The following RTKN2 variants were observed in gnomAD, a reference collection of about 807,000 sequenced individuals.
RTKN2 encodes rhotekin 2, also known as rhotekin-2.
Under a neutral mutation model 71.5 loss-of-function variants are expected in RTKN2, and 69 were observed. The ratio of observed to expected loss-of-function variants is 0.96; its 90% confidence interval spans 0.79 to 1.18. The LOEUF (loss-of-function observed/expected upper bound fraction) is 1.18, where lower values mean the gene tolerates loss of function less well. RTKN2 is among the 50% of genes most tolerant of loss of function. RTKN2 has a pLI of 0.00. For missense variants in RTKN2, 724 were observed against 719.7 expected, an observed-to-expected ratio of 1.01 and a Z score of -0.07; for synonymous variants, 236 against 236.5, an observed-to-expected ratio of 1.00 and a Z score of 0.02.
intron 11 of RTKN2, 80 bp from the exon 12 acceptor site, chr10:62,198,523 C>T: frequency 9.2e-7 from 1 of 1,087,566 alleles, no homozygotes; most frequent in Non-Finnish European, 1.3e-6. Context: ...CTTTTCCAAA[C>T]TAGTATGCTA....
chr10:62,203,898 T>G (rs1038840628), intron 10 of RTKN2, among the ~76,000 whole-genome samples: 1 of 152,218 alleles, frequency 6.6e-6, no homozygotes, highest in African/African-American at 2.4e-5. Flanking sequence ...AATAATCTGT[T>G]ATACGGGAAA....
At chr10:62,257,359 T>G (rs1842694058) in intron 2 of RTKN2, among the ~76,000 whole-genome samples, 1 of 152,244 alleles carries the variant, frequency 6.6e-6, no homozygotes, top group Admixed American at 6.5e-5. Flanking sequence ...ATGATTTGGA[T>G]GGTACTAGAA....
chr10:62,247,956 G>T (rs1842508991), intron 2 of RTKN2, among the ~76,000 whole-genome samples: 1 of 152,056 alleles, frequency 6.6e-6, no homozygotes, highest in Admixed American at 6.6e-5. Context: ...CTAAAGTTGA[G>T]ATCCATTAGG....
At chr10:62,267,257 A>G (rs1318017672) in intron 1 of RTKN2, among the ~76,000 whole-genome samples, 3 of 152,210 alleles carry the variant, frequency 2.0e-5, no homozygotes, top group Non-Finnish European at 4.4e-5. Flanking sequence ...GGCTTTATGT[A>G]TATTTAAACA....
chr10:62,262,045 G>A (rs1842783835), intron 2 of RTKN2, among the ~76,000 whole-genome samples: 1 of 152,200 alleles, frequency 6.6e-6, no homozygotes, highest in African/African-American at 2.4e-5. Flanking sequence ...AACAGCATGA[G>A]ATGACAGAAC....
chr10:62,215,034 A>C, intron 9 of RTKN2: 6 of 1,469,142 alleles, frequency 4.1e-6, no homozygotes, highest in Non-Finnish European at 5.6e-6. Flanking sequence ...CCTACCTTAA[A>C]GGACTGAGAT....
At chr10:62,205,454 C>T (rs1279925322) in intron 9 of RTKN2, among the ~76,000 whole-genome samples, 1 of 152,078 alleles carries the variant, frequency 6.6e-6, no homozygotes, top group East Asian at 1.9e-4. Flanking sequence ...AGTAAAGTAT[C>T]TTTCTTATTC....
chr10:62,199,917 A>T, intron 10 of RTKN2, 56 bp from the exon 11 acceptor site: 7 of 1,149,716 alleles, frequency 6.1e-6, no homozygotes, highest in Non-Finnish European at 9.0e-6. Context: ...GAAGATATAT[A>T]TTTCATTTTT....
Position 62,198,352 on chromosome 10 carries a change from A to C in RTKN2, c.1386T>G (p.His462Gln). 1 of 1,613,226 alleles carries C rather than the reference A, an allele frequency of 6.2e-7. No homozygotes were observed. ...CCCAAGGAGGTGGTAAGGATTCTTC[A>C]TGCTGACCAATAAGGAACTGCCCAT... ...ETNGQFLIGQ[H>Q]EESLPPPWAT... The change falls in exon 12 of 12, where the codon CAT (histidine) becomes CAG (glutamine). Residue 462 changes from histidine to glutamine, a missense_variant. Transcript: ENST00000373789.
rs143100376 is a variant in RTKN2, at chr10:62,209,902, T to C, written c.1021-4880A>G. ...TAGGTTGATTCCATGTCTTTGCTAC[T>C]GTGAATGGTGCTGCAATGAAAATAT... On this transcript the variant is annotated intron_variant, in intron 9 of 11. Transcript: ENST00000373789. 1.1e-3 allele frequency among the ~76,000 whole-genome samples: 172 copies of C among 152,306 alleles called. 1 individual carries two copies. Among genetic ancestry groups the C allele is most frequent in the African/African-American group, 3.8e-3 (160 of 41,564 alleles).
chr10:62,268,656 G>A lies in RTKN2; in HGVS notation c.-46C>T. 1.3e-6 allele frequency: 2 copies of A among 1,533,604 alleles called. No homozygotes were observed. Among genetic ancestry groups the A allele is most frequent in the Non-Finnish European group, 8.8e-7 (1 of 1,134,464 alleles). The allele number at this position is 1,533,604 out of a possible 1,614,324, so 95.0% of individuals were successfully genotyped here. ...GCCGTCGCCACTCCTTCAAAGGGAA[G>A]ATTTGAAAAGCCCGCCCCTGGCAGG... On this transcript the variant is annotated 5_prime_UTR_variant, in exon 1 of 12. Transcript: ENST00000373789.
intron 4 of RTKN2, among the ~76,000 whole-genome samples, chr10:62,240,793 A>C (rs1395590329): frequency 6.6e-6 from 1 of 152,174 alleles, no homozygotes; most frequent in Non-Finnish European, 1.5e-5. Flanking sequence ...AGGCAGAAAA[A>C]TCTTCCAGAT....
intron 6 of RTKN2, among the ~76,000 whole-genome samples, chr10:62,232,143 C>T (rs998887459): frequency 6.6e-6 from 1 of 152,010 alleles, no homozygotes; most frequent in African/African-American, 2.4e-5. Flanking sequence ...AAAGAAAATT[C>T]GTGTTTGAAC....
rs1373822339 is a variant in RTKN2 at position 62,194,167 on chromosome 10, A to C, written c.*3741T>G. ...AAATTATAAACAAAGCCAATTACACAAGCATGTCAGAAAATCAACACACCC... is the reference window on the plus strand; with the variant it reads ...AAATTATAAACAAAGCCAATTACACCAGCATGTCAGAAAATCAACACACCC... On this transcript the variant is annotated 3_prime_UTR_variant, in exon 12 of 12. Transcript: ENST00000373789. 1.0e-6 allele frequency: 1 copy of C among 979,450 alleles called. No homozygotes were observed. The highest frequency in any genetic ancestry group is 1.8e-5 in the African/African-American group (1 of 57,114). 60.7% of individuals were successfully genotyped at this position (979,450 alleles called of 1,614,324 possible).
At position 62,202,366 on chromosome 10, in the gene RTKN2, CTTACT is replaced by C. The variant is rs531165806; in HGVS notation, c.1186+2486_1186+2490del. The stretch of plus-strand genomic sequence containing the variant: ...AATTTGCTCTCAATATTAAATTTCT[CTTACT>C]TTATTCTGCCCTGAATACCTATCCT... On this transcript the variant is annotated intron_variant, in intron 10 of 11. Coordinates refer to ENST00000373789, the MANE Select transcript of RTKN2 (RefSeq NM_145307.4). 2.0e-5 allele frequency among the ~76,000 whole-genome samples: 3 copies of C among 152,252 alleles called. No homozygotes were observed. In the South Asian group the frequency reaches 6.2e-4, roughly 32 times the overall value.
At chr10:62,264,182 T>C (rs1014854490) in intron 1 of RTKN2, among the ~76,000 whole-genome samples, 1 of 152,056 alleles carries the variant, frequency 6.6e-6, no homozygotes, top group Non-Finnish European at 1.5e-5. Flanking sequence ...AAAGAAAAGA[T>C]GAAAGTTAGG....
intron 7 of RTKN2, among the ~76,000 whole-genome samples, chr10:62,221,774 AACTG>A (rs2132914302): frequency 6.6e-6 from 1 of 152,270 alleles, no homozygotes; most frequent in East Asian, 1.9e-4. Flanking sequence ...GGGTGAATAA[AACTG>A]ACTAATCTAT....
At position 62,194,531 on chromosome 10, in the gene RTKN2, A is replaced by AGG; in HGVS notation, c.*3376_*3377insCC. 9 of 985,064 alleles carry AGG rather than the reference A, an allele frequency of 9.1e-6. No individual in the cohort carries two copies. The highest frequency in any genetic ancestry group is 1.1e-5 in the Non-Finnish European group (9 of 829,576). 61.0% of individuals were successfully genotyped at this position (985,064 alleles called of 1,614,324 possible). A position where few individuals can be genotyped will look rare whatever the true frequency, so the allele number is the denominator to read the frequency against. On this transcript the variant is annotated 3_prime_UTR_variant, in exon 12 of 12. Coordinates refer to ENST00000373789, the MANE Select transcript of RTKN2 (RefSeq NM_145307.4). ...TTTGATAAATTCAGACCACAGGGAC[A>AGG]GATATTTTTCTTGCAGAGCAGTTCT...
chr10:62,205,567 T>C (rs1196690643), intron 9 of RTKN2, among the ~76,000 whole-genome samples: 1 of 152,232 alleles, frequency 6.6e-6, no homozygotes, highest in East Asian at 1.9e-4. Flanking sequence ...ATTTATTTTG[T>C]ACGTAACGTT....
Sources: allele counts gnomAD v4.1 joint callset (sites outside exome capture counted in the v4.1 genomes callset), GRCh38; gene constraint gnomAD v4.1.1; transcripts MANE v1.5; gene names NCBI Gene and HGNC (gene_info 2026-07-23, HGNC 2026-07-21).